Variants in NMNAT2 observed in about 807,000 individuals in gnomAD.
NMNAT2 encodes nicotinamide nucleotide adenylyltransferase 2.
A neutral mutation model predicts 41.6 loss-of-function variants in NMNAT2; 11 were observed. The observed-to-expected ratio is 0.26, with a 90% CI of 0.17 to 0.44. NMNAT2 has a LOEUF of 0.44. Ranked by LOEUF, NMNAT2 falls within the 20% of genes least tolerant of loss-of-function variation. NMNAT2 has a pLI of 1.00. For synonymous variants in NMNAT2, 148 were observed against 151.2 expected (o/e 0.98, Z 0.16); for missense variants, 288 against 407.7 (o/e 0.71, Z 2.53).
chr1:183,311,590 C>T (rs750563010), intron 1 of NMNAT2, among the ~76,000 whole-genome samples: 10 of 152,126 alleles, frequency 6.6e-5, no homozygotes, highest in Admixed American at 2.0e-4. Context: ...GTCTGCTTTA[C>T]AACCTGAATG....
chr1:183,367,668 T>A (rs887381667), intron 1 of NMNAT2, among the ~76,000 whole-genome samples: 1 of 152,220 alleles, frequency 6.6e-6, no homozygotes, highest in Non-Finnish European at 1.5e-5. Flanking sequence ...GTTGACCACA[T>A]AACTGTTTCA....
intron 1 of NMNAT2, among the ~76,000 whole-genome samples, chr1:183,396,853 C>CT (rs1452600220): frequency 6.6e-6 from 1 of 152,192 alleles, no homozygotes; most frequent in Admixed American, 6.5e-5. Flanking sequence ...CAGTCGAGTT[C>CT]TTTCTTCTGA....
rs567144986 is a variant in NMNAT2, at chr1:183,414,354, C to A, written c.85+3829G>T. ...ATTCCTCTGTTTTTGTTTATATAGCCAAAATAATCTGAGCTGTCCTTTCTT... is the reference window on the plus strand; with the variant it reads ...ATTCCTCTGTTTTTGTTTATATAGCAAAAATAATCTGAGCTGTCCTTTCTT... On this transcript the variant is annotated intron_variant, in intron 1 of 10. Transcript: ENST00000287713. Among the ~76,000 whole-genome samples, 213 of 152,256 alleles carry A rather than the reference C, an allele frequency of 1.4e-3. 2 individuals are homozygous for A. The highest frequency in any genetic ancestry group is 5.0e-3 in the African/African-American group (206 of 41,538).
At chr1:183,320,865 G>A (rs908081569) in intron 1 of NMNAT2, among the ~76,000 whole-genome samples, 5 of 152,244 alleles carry the variant, frequency 3.3e-5, no homozygotes, top group Non-Finnish European at 5.9e-5. Flanking sequence ...TGCCAAAAGG[G>A]AAGTAGGGGA....
At chr1:183,314,104 T>A (rs1165752192) in intron 1 of NMNAT2, among the ~76,000 whole-genome samples, 1 of 152,236 alleles carries the variant, frequency 6.6e-6, no homozygotes, top group Non-Finnish European at 1.5e-5. Context: ...TGCCCATTTC[T>A]AGAGGTGCCT....
intron 1 of NMNAT2, among the ~76,000 whole-genome samples, chr1:183,407,901 A>G (rs1649005696): frequency 6.6e-6 from 1 of 152,242 alleles, no homozygotes; most frequent in Non-Finnish European, 1.5e-5. Context: ...AATGTTCAAC[A>G]GCAGATAAAT....
At chr1:183,278,338 A>C (rs928746572) in intron 8 of NMNAT2, among the ~76,000 whole-genome samples, 1 of 152,086 alleles carries the variant, frequency 6.6e-6, no homozygotes, top group Non-Finnish European at 1.5e-5. Context: ...CTTTTTTCCC[A>C]GGGGCTTTAC....
At chr1:183,398,419 T>G (rs1648716414) in intron 1 of NMNAT2, among the ~76,000 whole-genome samples, 2 of 152,092 alleles carry the variant, frequency 1.3e-5, no homozygotes, top group South Asian at 4.1e-4. Flanking sequence ...AGCAAGTCCT[T>G]AGAGACCTAT....
intron 8 of NMNAT2, among the ~76,000 whole-genome samples, chr1:183,272,154 T>C (rs1243965416): frequency 6.6e-6 from 1 of 152,156 alleles, no homozygotes; most frequent in Non-Finnish European, 1.5e-5. Context: ...GAGGAGTGAG[T>C]GCAAATGCCT....
chr1:183,357,868 A>G (rs1394287751), intron 1 of NMNAT2, among the ~76,000 whole-genome samples: 2 of 152,134 alleles, frequency 1.3e-5, no homozygotes, highest in Admixed American at 6.6e-5. Context: ...TCTCGTAAAT[A>G]ACTGTTTAAC....
chr1:183,396,718 C>G (rs1648661914), intron 1 of NMNAT2, among the ~76,000 whole-genome samples: 1 of 152,182 alleles, frequency 6.6e-6, no homozygotes, highest in Non-Finnish European at 1.5e-5. Flanking sequence ...TTTGATCTCT[C>G]AAGTCACCCC....
At chr1:183,400,862 T>G (rs559211173) in intron 1 of NMNAT2, among the ~76,000 whole-genome samples, 1 of 152,206 alleles carries the variant, frequency 6.6e-6, no homozygotes. Context: ...GCTAGCCATA[T>G]GTAGAAAGCT....
intron 1 of NMNAT2, among the ~76,000 whole-genome samples, chr1:183,357,589 A>T (rs1452207715): frequency 6.6e-6 from 1 of 152,192 alleles, no homozygotes; most frequent in Admixed American, 6.5e-5. Context: ...ACTGTCTTCC[A>T]AAATGGTTGG....
chr1:183,342,046 ACC>A (rs1278924199), intron 1 of NMNAT2, among the ~76,000 whole-genome samples: 1 of 139,768 alleles, frequency 7.2e-6, no homozygotes, highest in Non-Finnish European at 1.5e-5. Context: ...TTTTTTACCA[ACC>A]CTTTGGCATT....
At chr1:183,266,784 G>T in intron 8 of NMNAT2, 1 of 208,696 alleles carries the variant, frequency 4.8e-6, no homozygotes, top group Non-Finnish European at 1.0e-5. Flanking sequence ...GGCAAAAACT[G>T]CCTGACTCAC....
chr1:183,384,878 T>C (rs1648150162), intron 1 of NMNAT2, among the ~76,000 whole-genome samples: 1 of 152,026 alleles, frequency 6.6e-6, no homozygotes, highest in Non-Finnish European at 1.5e-5. Context: ...GTATATATAC[T>C]ATGACCAAGA....
At chr1:183,418,045 C>G in intron 1 of NMNAT2, 138 bp downstream of exon 1, 1 of 766,694 alleles carries the variant, frequency 1.3e-6, no homozygotes, top group South Asian at 1.7e-5. Context: ...ATGAAGGGGC[C>G]GACCTCCACC....
chr1:183,278,481 G>T, intron 8 of NMNAT2, 72 bp downstream of exon 8: 1 of 1,048,876 alleles, frequency 9.5e-7, no homozygotes, highest in Non-Finnish European at 1.5e-6. Context: ...AAGACAGGAG[G>T]CCAAAATCAA....
At chr1:183,355,549 A>G (rs1663165648) in intron 1 of NMNAT2, among the ~76,000 whole-genome samples, 1 of 152,256 alleles carries the variant, frequency 6.6e-6, no homozygotes, top group African/African-American at 2.4e-5. Context: ...CGTCTCCTTT[A>G]CTTGAGTGAA....
Sources: gnomAD v4.1 joint callset for allele counts (sites outside exome capture counted in the v4.1 genomes callset) on GRCh38, gnomAD v4.1.1 for gene constraint, MANE v1.5 for transcripts, NCBI Gene and HGNC (gene_info 2026-07-23, HGNC 2026-07-21) for gene names.